ROBO1: variants seen among roughly 807,000 people sequenced by gnomAD.
ROBO1 encodes roundabout homolog 1.
In ROBO1, 149 loss-of-function variants were observed where a neutral mutation model predicts 195.9. That is an observed-to-expected ratio of 0.76 (90% confidence interval 0.67 to 0.87). ROBO1 has a LOEUF of 0.87. Among genes scored for constraint, ROBO1 ranks in the 40% least tolerant of loss-of-function variants. ROBO1 has a pLI of 0.00. For synonymous variants in ROBO1, 816 were observed against 733.2 expected, an observed-to-expected ratio of 1.11 and a Z score of -1.82; for missense variants, 1,933 against 2,068.3, an observed-to-expected ratio of 0.93 and a Z score of 1.27.
At chr3:78,667,460 T>C (rs1274709840) in intron 14 of ROBO1, among the ~76,000 whole-genome samples, 1 of 152,140 alleles carries the variant, frequency 6.6e-6, no homozygotes, top group Non-Finnish European at 1.5e-5. Flanking sequence ...AAATTATTAT[T>C]GACTGCAGTC....
chr3:79,396,848 A>T (rs1489717653), intron 2 of ROBO1, among the ~76,000 whole-genome samples: 2 of 152,104 alleles, frequency 1.3e-5, no homozygotes, highest in African/African-American at 4.8e-5. Flanking sequence ...TGACAGGTTG[A>T]TTTTGGCTTT....
intron 1 of ROBO1, among the ~76,000 whole-genome samples, chr3:79,645,536 G>A (rs1945794771): frequency 6.6e-6 from 1 of 151,930 alleles, no homozygotes; most frequent in South Asian, 2.1e-4. Flanking sequence ...TATTGTTAAA[G>A]TGTCTATTCT....
chr3:79,097,630 A>G lies in ROBO1; in HGVS notation c.172+27826T>C, dbSNP rs183038893. On this transcript the variant is annotated intron_variant, in intron 3 of 30. Transcript: ENST00000464233. ...TCAGAGATAAAAGACTAGCACATTA[A>G]TCCACTAAGAATCAAGAAGTGAATG... is the stretch of plus-strand genomic sequence containing the variant. Among the ~76,000 whole-genome samples the G allele has an allele frequency of 3.3e-5, 5 of 151,932 alleles. No individual in the cohort carries two copies. The East Asian group carries it at 9.7e-4, about 29-fold the overall frequency.
intron 4 of ROBO1, among the ~76,000 whole-genome samples, chr3:78,759,810 C>T (rs1369454268): frequency 6.6e-6 from 1 of 151,782 alleles, no homozygotes; most frequent in Non-Finnish European, 1.5e-5. Context: ...ATAGAAAGAT[C>T]GAGGCATCTA....
chr3:79,033,713 G>A (rs542889913), intron 3 of ROBO1, among the ~76,000 whole-genome samples: 1 of 152,210 alleles, frequency 6.6e-6, no homozygotes, highest in Admixed American at 6.5e-5. Context: ...TTAAAGCAAA[G>A]CTGTCATTGT....
At chr3:79,494,180 T>A (rs1382015944) in intron 2 of ROBO1, among the ~76,000 whole-genome samples, 1 of 152,156 alleles carries the variant, frequency 6.6e-6, no homozygotes, top group Non-Finnish European at 1.5e-5. Context: ...CCATGCTCCA[T>A]ACTTTTTTCA....
chr3:79,461,665 T>C (rs1356345581), intron 2 of ROBO1, among the ~76,000 whole-genome samples: 1 of 152,200 alleles, frequency 6.6e-6, no homozygotes, highest in African/African-American at 2.4e-5. Flanking sequence ...GAAATGTTTG[T>C]TGCTTTCAGT....
At chr3:79,581,232 T>A (rs938472783) in intron 2 of ROBO1, among the ~76,000 whole-genome samples, 2 of 152,132 alleles carry the variant, frequency 1.3e-5, no homozygotes, top group African/African-American at 4.8e-5. Context: ...ATCATCTAGG[T>A]TAGCGCCTCT....
At chr3:78,624,102 A>T (rs1704614622) in intron 26 of ROBO1, among the ~76,000 whole-genome samples, 2 of 152,284 alleles carry the variant, frequency 1.3e-5, no homozygotes, top group East Asian at 3.9e-4. Context: ...AAATAAAAAG[A>T]TAACAACGTG....
intron 3 of ROBO1, among the ~76,000 whole-genome samples, chr3:78,950,506 TG>T (rs1214337419): frequency 3.1e-5 from 3 of 98,090 alleles, no homozygotes; most frequent in African/African-American, 1.2e-4. Context: ...CATCGAGGCC[TG>T]TTGTGGGGTG....
chr3:79,285,951 CAA>C (rs1474283249), intron 2 of ROBO1, among the ~76,000 whole-genome samples: 1 of 151,836 alleles, frequency 6.6e-6, no homozygotes, highest in Admixed American at 6.6e-5. Flanking sequence ...CAAAGTATGA[CAA>C]GAGGGTGGAA....
intron 2 of ROBO1, among the ~76,000 whole-genome samples, chr3:79,334,494 C>G (rs749505304): frequency 6.6e-6 from 1 of 151,388 alleles, no homozygotes; most frequent in East Asian, 1.9e-4. Context: ...GTGATTATTG[C>G]GTTCCTAGCA....
At chr3:79,428,369 T>C (rs2038536287) in intron 2 of ROBO1, among the ~76,000 whole-genome samples, 2 of 152,116 alleles carry the variant, frequency 1.3e-5, no homozygotes, top group African/African-American at 4.8e-5. Flanking sequence ...ATTCTTTTGA[T>C]AATACAATAA....
intron 9 of ROBO1, among the ~76,000 whole-genome samples, chr3:78,686,651 C>A (rs1326250503): frequency 6.6e-6 from 1 of 151,668 alleles, no homozygotes; most frequent in East Asian, 1.9e-4. Context: ...TATGTGACTA[C>A]TAGGATTATT....
intron 2 of ROBO1, among the ~76,000 whole-genome samples, chr3:79,347,972 G>A (rs1468631199): frequency 6.6e-6 from 1 of 152,116 alleles, no homozygotes; most frequent in Non-Finnish European, 1.5e-5. Context: ...AGCACCTTAA[G>A]AGGCCAAGGT....
chr3:79,227,847 T>G (rs1283123736), intron 2 of ROBO1, among the ~76,000 whole-genome samples: 1 of 152,304 alleles, frequency 6.6e-6, no homozygotes. Context: ...CCTTAGCATG[T>G]TTATTCGAGT....
intron 2 of ROBO1, among the ~76,000 whole-genome samples, chr3:79,143,699 T>C (rs2080583275): frequency 1.3e-5 from 2 of 152,054 alleles, no homozygotes; most frequent in Admixed American, 6.6e-5. Flanking sequence ...ATATTTATTA[T>C]ACATTTTACC....
intron 4 of ROBO1, among the ~76,000 whole-genome samples, chr3:78,914,970 T>G (rs1476510731): frequency 6.6e-6 from 1 of 151,892 alleles, no homozygotes; most frequent in Non-Finnish European, 1.5e-5. Flanking sequence ...GCTCCCTTTT[T>G]GCATTATTAG....
At chr3:78,665,376 T>C (rs1707670878) in intron 14 of ROBO1, among the ~76,000 whole-genome samples, 1 of 152,184 alleles carries the variant, frequency 6.6e-6, no homozygotes, top group South Asian at 2.1e-4. Context: ...TCACATATAC[T>C]TCCCGTAAGC....
Sources: gnomAD v4.1 joint callset for allele counts (sites outside exome capture counted in the v4.1 genomes callset) on GRCh38, gnomAD v4.1.1 for gene constraint, MANE v1.5 for transcripts, NCBI Gene and HGNC (gene_info 2026-07-23, HGNC 2026-07-21) for gene names.